The following ARHGAP8 variants were observed in gnomAD, a reference collection of about 807,000 sequenced individuals.
ARHGAP8 encodes the protein Rho GTPase activating protein 8.
A neutral mutation model predicts 46.1 loss-of-function variants in ARHGAP8; 62 were observed. That is an observed-to-expected ratio of 1.34 (90% confidence interval 1.10 to 1.66). ARHGAP8 has a LOEUF of 1.66. Among genes scored for constraint, ARHGAP8 ranks in the 40% most tolerant of loss-of-function variants. The pLI is 0.00. For synonymous variants in ARHGAP8, 375 were observed against 243.1 expected, an observed-to-expected ratio of 1.54 and a Z score of -5.05; for missense variants, 923 against 568.4, an observed-to-expected ratio of 1.62 and a Z score of -6.34.
chr22:44,795,080 A>G (rs1410975674), intron 2 of ARHGAP8, among the ~76,000 whole-genome samples: 6 of 151,964 alleles, frequency 3.9e-5, no homozygotes, highest in Non-Finnish European at 8.8e-5. Context: ...GTTGGTATGA[A>G]AACAAAATAC....
chr22:44,837,557 C>T (rs192994426), intron 7 of ARHGAP8, among the ~76,000 whole-genome samples: 6 of 152,272 alleles, frequency 3.9e-5, no homozygotes, highest in Admixed American at 6.5e-5. Context: ...TGGTGTGATA[C>T]GATTCACCGG....
chr22:44,856,430 C>G (rs146278267), intron 10 of ARHGAP8, among the ~76,000 whole-genome samples: 1 of 151,992 alleles, frequency 6.6e-6, no homozygotes, highest in Non-Finnish European at 1.5e-5. Flanking sequence ...CCCGCCACCA[C>G]GCCTGGCTAA....
chr22:44,778,253 T>G (rs753337522), intron 1 of ARHGAP8, among the ~76,000 whole-genome samples: 24 of 152,092 alleles, frequency 1.6e-4, no homozygotes, highest in Non-Finnish European at 3.2e-4. Flanking sequence ...ATAGCTTAGC[T>G]CCCACTTATG....
chr22:44,792,531 C>G (rs1927768917), intron 2 of ARHGAP8, among the ~76,000 whole-genome samples: 2 of 152,134 alleles, frequency 1.3e-5, no homozygotes, highest in Admixed American at 6.6e-5. Context: ...CCCTCCTGCT[C>G]CTCCAGGGCG....
intron 1 of ARHGAP8, among the ~76,000 whole-genome samples, chr22:44,758,802 A>G (rs112559936): frequency 1.1e-3 from 161 of 152,348 alleles, no homozygotes; most frequent in Non-Finnish European, 2.1e-3. Flanking sequence ...TTTGAATGTT[A>G]TTCCAAGAAT....
chr22:44,786,360 G>T, intron 1 of ARHGAP8, 97 bp from the exon 2 acceptor site: 3 of 1,470,588 alleles, frequency 2.0e-6, no homozygotes, highest in East Asian at 4.9e-5. Flanking sequence ...GTGTGCAGCA[G>T]AGGTGGGTGA....
intron 7 of ARHGAP8, among the ~76,000 whole-genome samples, chr22:44,840,856 A>C (rs2147151057): frequency 6.6e-6 from 1 of 152,280 alleles, no homozygotes; most frequent in Non-Finnish European, 1.5e-5. Context: ...GTCGCTTTTA[A>C]AAGAGCACTC....
chr22:44,832,665 A>G (rs994710996), intron 7 of ARHGAP8, among the ~76,000 whole-genome samples: 2 of 152,184 alleles, frequency 1.3e-5, no homozygotes, highest in Non-Finnish European at 1.5e-5. Flanking sequence ...TGGATTTTTT[A>G]GAATTTTCTA....
intron 4 of ARHGAP8, among the ~76,000 whole-genome samples, chr22:44,813,191 C>T (rs1929459877): frequency 6.6e-6 from 1 of 151,992 alleles, no homozygotes. Flanking sequence ...GGTGTTATGG[C>T]TCCCAGGCCC....
intron 7 of ARHGAP8, among the ~76,000 whole-genome samples, chr22:44,841,912 C>T (rs937624134): frequency 1.4e-4 from 21 of 152,316 alleles, no homozygotes; most frequent in Middle Eastern, 3.4e-3. Flanking sequence ...AGGAAGGGGA[C>T]GCTTGTTGAC....
At chr22:44,856,367 G>A (rs953736849) in intron 10 of ARHGAP8, among the ~76,000 whole-genome samples, 3 of 142,282 alleles carry the variant, frequency 2.1e-5, no homozygotes, top group Admixed American at 7.4e-5. Context: ...TCTGCCTCCC[G>A]GGTTCAAGTG....
intron 8 of ARHGAP8, 72 bp downstream of exon 8, chr22:44,845,414 G>C: frequency 6.2e-7 from 1 of 1,601,540 alleles, no homozygotes. Flanking sequence ...GTTTGTCTTG[G>C]ATCCTGAGCA....
chr22:44,826,264 G>T (rs1930517291), intron 7 of ARHGAP8, among the ~76,000 whole-genome samples: 1 of 152,098 alleles, frequency 6.6e-6, no homozygotes, highest in African/African-American at 2.4e-5. Flanking sequence ...ACCCAGGCTG[G>T]ACACAGGCAT....
At chr22:44,853,763 C>G (rs1403331278) in intron 10 of ARHGAP8, among the ~76,000 whole-genome samples, 2 of 152,078 alleles carry the variant, frequency 1.3e-5, no homozygotes, top group Non-Finnish European at 2.9e-5. Flanking sequence ...TGCGGTGGTT[C>G]ACGCCTGTAA....
chr22:44,815,150 C>T (rs73422239), intron 5 of ARHGAP8, among the ~76,000 whole-genome samples: 1 of 152,138 alleles, frequency 6.6e-6, no homozygotes, highest in Admixed American at 6.5e-5. Context: ...AAAAGGCACA[C>T]AAGGCTGAGT....
rs546951932 is a variant in ARHGAP8 at position 44,848,664 on chromosome 22, C to T, written c.749-268C>T. Among the ~76,000 whole-genome samples, 222 of 152,296 alleles carry T rather than the reference C, an allele frequency of 1.5e-3. 1 individual carries two copies. Among genetic ancestry groups the T allele is most frequent in the African/African-American group, 4.8e-3 (200 of 41,550 alleles). On this transcript the variant is annotated intron_variant, in intron 9 of 11. Coordinates refer to ENST00000356099, the MANE Select transcript of ARHGAP8 (RefSeq NM_181335.3). ...GGCCTCAGAGAGCTGGCATTGTAGC[C>T]GGGAGCAACAGCATGCCACAGAGAA...
intron 1 of ARHGAP8, among the ~76,000 whole-genome samples, chr22:44,783,852 A>T (rs1399656191): frequency 6.6e-6 from 1 of 152,136 alleles, no homozygotes; most frequent in East Asian, 1.9e-4. Context: ...TCCTGCCTCC[A>T]GCCGCAGAGC....
At chr22:44,845,137 T>C in intron 7 of ARHGAP8, 132 bp from the exon 8 acceptor site, 2 of 1,062,556 alleles carry the variant, frequency 1.9e-6, no homozygotes, top group Non-Finnish European at 2.7e-6. Context: ...GGGCTGAGCC[T>C]ACCTCTCTCT....
At chr22:44,792,961 T>TA in intron 2 of ARHGAP8, among the ~76,000 whole-genome samples, 1 of 151,934 alleles carries the variant, frequency 6.6e-6, no homozygotes, top group South Asian at 2.1e-4. Context: ...GTAGCTGGGA[T>TA]TATAGGTGCC....
Sources: gnomAD v4.1 joint callset for allele counts (sites outside exome capture counted in the v4.1 genomes callset) on GRCh38, gnomAD v4.1.1 for gene constraint, MANE v1.5 for transcripts, NCBI Gene and HGNC (gene_info 2026-07-23, HGNC 2026-07-21) for gene names.